Variants in LONP1 observed in about 807,000 individuals in gnomAD.
The protein encoded by LONP1 is lon protease homolog, mitochondrial.
Under a neutral mutation model 98.5 loss-of-function variants are expected in LONP1, and 31 were observed. The ratio of observed to expected loss-of-function variants is 0.31; its 90% confidence interval spans 0.24 to 0.42. The LOEUF is 0.42. Among genes scored for constraint, LONP1 ranks in the 20% least tolerant of loss-of-function variants. The pLI is 1.00. For missense variants in LONP1, 1,336 were observed against 1,350.6 expected, an observed-to-expected ratio of 0.99 and a Z score of 0.17; for synonymous variants, 781 against 594.7, an observed-to-expected ratio of 1.31 and a Z score of -4.56.
Position 5,707,733 on chromosome 19 carries a change from C to G in LONP1, c.1026G>C (p.Glu342Asp). 1 of 1,613,320 alleles carries G rather than the reference C, an allele frequency of 6.2e-7. No homozygotes were observed. Among genetic ancestry groups the G allele is most frequent in the African/African-American group, 1.3e-5 (1 of 75,026 alleles). Residue 342 changes from glutamate (E) to aspartate (D), a missense_variant, in exon 6 of 18, where the codon GAG becomes GAC. Coordinates refer to ENST00000360614, the MANE Select transcript of LONP1 (RefSeq NM_004793.4). ...CCAGGACGTCCTGCAGCTCATGGGA[C>G]TCGGCCCCGGTGAGCGCGGCGCCCA... ...SDMGAALTGA[E>D]SHELQDVLEE...
In LONP1 at chr19:5,716,253, A is replaced by AATATATATATAT. The variant is rs1200539692; in HGVS notation, c.430-1983_430-1982insATATATATATAT. Among the ~76,000 whole-genome samples, 92 of 71,702 alleles carry AATATATATATAT rather than the reference A, an allele frequency of 1.3e-3. 4 individuals are homozygous for AATATATATATAT. Among genetic ancestry groups the AATATATATATAT allele is most frequent in the Middle Eastern group, 0.016 (2 of 126 alleles). The allele number at this position is 71,702 out of a possible 152,430, so 47.0% of individuals were successfully genotyped here. A position where few individuals can be genotyped will look rare whatever the true frequency, so the allele number is the denominator to read the frequency against. On this transcript the variant is annotated intron_variant, in intron 1 of 17. Coordinates refer to ENST00000360614, the MANE Select transcript of LONP1 (RefSeq NM_004793.4). ...ATTCTTTATTATATAATAAAGTTAA[A>AATATATATATAT]ATATACATATATATATATATATATA...
intron 9 of LONP1, among the ~76,000 whole-genome samples, chr19:5,700,427 T>A (rs1030626868): frequency 2.6e-5 from 4 of 152,066 alleles, no homozygotes; most frequent in African/African-American, 9.7e-5. Context: ...TTTTAAAATT[T>A]TTTGTAGAGA....
At chr19:5,698,028 C>G (rs949669454) in intron 10 of LONP1, among the ~76,000 whole-genome samples, 3 of 149,560 alleles carry the variant, frequency 2.0e-5, no homozygotes, top group African/African-American at 7.4e-5. Flanking sequence ...CAGACCCCAG[C>G]CCAACCAAGG....
rs752173948 is a variant in LONP1 at position 5,693,430 on chromosome 19, G to C, written c.2571C>G (p.Gly857=). The change falls in exon 17 of 18, where the codon GGC becomes GGG. Residue 857 remains glycine, a synonymous_variant. Transcript: ENST00000360614. ...GATPKDGPSA[G]CTIVTALLSL... The stretch of plus-strand genomic sequence containing the variant: ...ACAGCAGGGCCGTGACGATGGTGCA[G>C]CCTGCGCTTGGGCCGTCCTTGGGGG... The C allele has an allele frequency of 1.9e-6, 3 of 1,612,096 alleles. No homozygotes were observed. The highest frequency in any genetic ancestry group is 3.3e-5 in the Admixed American group (2 of 59,974).
chr19:5,708,581 A>G (rs2055185874), intron 4 of LONP1, 178 bp from the exon 5 acceptor site: 1 of 394,226 alleles, frequency 2.5e-6, no homozygotes, highest in Non-Finnish European at 5.0e-6. Flanking sequence ...TGGTGGACTC[A>G]CCAGTCCCAG....
chr19:5,707,911 G>A (rs913769964), intron 5 of LONP1, 85 bp from the exon 6 acceptor site: 2 of 1,523,540 alleles, frequency 1.3e-6, no homozygotes, highest in African/African-American at 2.7e-5. Context: ...CGGTCCTCAG[G>A]GTCCCTGTCC....
intron 3 of LONP1, 45 bp from the exon 4 acceptor site, chr19:5,712,047 G>C: frequency 6.5e-7 from 1 of 1,527,038 alleles, no homozygotes; most frequent in South Asian, 1.2e-5. Context: ...CTGAGGCTGG[G>C]AGCTGGACCC....
Position 5,720,049 on chromosome 19 carries a change from C to T in LONP1, c.84G>A (p.Gly28=). 2 of 1,539,798 alleles carry T rather than the reference C, an allele frequency of 1.3e-6. No individual in the cohort carries two copies. The highest frequency in any genetic ancestry group is 8.7e-7 in the Non-Finnish European group (1 of 1,147,144). The change falls in exon 1 of 18, where the codon GGG becomes GGA. Residue 28 remains glycine (G), a synonymous_variant. Coordinates refer to ENST00000360614, the MANE Select transcript of LONP1 (RefSeq NM_004793.4). Reference sequence around the variant, plus strand: ...CTCCTGCTGCAGTGGGAACCCGCCCCCCGGCGGCGGCCAGCATCGGCCGCC... The same window carrying T: ...CTCCTGCTGCAGTGGGAACCCGCCCTCCGGCGGCGGCCAGCATCGGCCGCC... ...VLRRPMLAAA[G]GRVPTAAGAW...
At chr19:5,716,769 G>A (rs1032683906) in intron 1 of LONP1, among the ~76,000 whole-genome samples, 1 of 152,140 alleles carries the variant, frequency 6.6e-6, no homozygotes, top group African/African-American at 2.4e-5. Context: ...ACAATGGCGA[G>A]AGCAGAGCAC....
At chr19:5,707,945 G>A in intron 5 of LONP1, 119 bp from the exon 6 acceptor site, 3 of 1,202,220 alleles carry the variant, frequency 2.5e-6, no homozygotes, top group South Asian at 1.5e-5. Context: ...GCACGGTCTA[G>A]GGGTGCTCGC....
chr19:5,718,289 G>A (rs1248978996), intron 1 of LONP1, among the ~76,000 whole-genome samples: 6 of 151,964 alleles, frequency 3.9e-5, no homozygotes, highest in Non-Finnish European at 8.8e-5. Context: ...ACGAGCGTGG[G>A]CAACATGGTG....
chr19:5,694,163 A>G (rs1466564600), intron 15 of LONP1, among the ~76,000 whole-genome samples: 1 of 152,162 alleles, frequency 6.6e-6, no homozygotes, highest in African/African-American at 2.4e-5. Flanking sequence ...AAGCCTATCA[A>G]AGTGGCACCC....
In LONP1 at chr19:5,691,953, T is replaced by C. The variant is rs2054829662; in HGVS notation, c.*79A>G. ...CTCGCTCGGTGGCTCCACTGCCAGG[T>C]CCGGGCGCGCTCCCCACAGCGCTCA... On this transcript the variant is annotated 3_prime_UTR_variant, in exon 18 of 18. Coordinates refer to ENST00000360614, the MANE Select transcript of LONP1 (RefSeq NM_004793.4). 2 of 886,338 alleles carry C rather than the reference T, an allele frequency of 2.3e-6. No homozygotes were observed. The highest frequency in any genetic ancestry group is 3.2e-6 in the Non-Finnish European group (2 of 616,148). 54.9% of individuals were successfully genotyped at this position (886,338 alleles called of 1,614,324 possible). A position where few individuals can be genotyped will look rare whatever the true frequency, so the allele number is the denominator to read the frequency against.
At chr19:5,699,286 G>T in intron 9 of LONP1, 81 bp from the exon 10 acceptor site, 3 of 1,182,160 alleles carry the variant, frequency 2.5e-6, no homozygotes, top group South Asian at 1.8e-5. Context: ...CCTGCACACT[G>T]CCTTTCAGAC....
At chr19:5,710,340 C>T (rs978153721) in intron 4 of LONP1, among the ~76,000 whole-genome samples, 10 of 151,772 alleles carry the variant, frequency 6.6e-5, no homozygotes, top group African/African-American at 1.7e-4. Flanking sequence ...CCGCCCACCT[C>T]GGCCTCCCAA....
intron 4 of LONP1, among the ~76,000 whole-genome samples, chr19:5,709,804 G>A (rs1470446217): frequency 1.3e-5 from 2 of 149,452 alleles, no homozygotes; most frequent in Admixed American, 6.7e-5. Flanking sequence ...CCCAGCTACT[G>A]GGGAGGCTGA....
rs373514644 is a variant in LONP1, at chr19:5,692,163, T to G, written c.2749A>C (p.Lys917Gln). The change falls in exon 18 of 18, where the codon AAG becomes CAG. Residue 917 changes from lysine (K) to glutamine (Q), a missense_variant. Around this residue, in one of 5 missense-constraint regions of LONP1, gnomAD observed 555 missense variants for 542.6 expected, o/e 1.02. Coordinates refer to ENST00000360614, the MANE Select transcript of LONP1 (RefSeq NM_004793.4). ...VTCIVLPAENKKDFYDLAAFI... is the reference protein window; with the variant it reads ...VTCIVLPAENQKDFYDLAAFI... ...GCTGCCAGGTCGTAGAAGTCCTTCT[T>G]GTTCTCGGCTGGCAGGACGATGCAC... The G allele has an allele frequency of 2.5e-6, 4 of 1,614,002 alleles. No homozygotes were observed. The highest frequency in any genetic ancestry group is 1.3e-5 in the African/African-American group (1 of 74,946).
At chr19:5,694,273 AGAGGCCGTTCAGAGCCACCT>A in intron 15 of LONP1, 94 bp downstream of exon 15, 1 of 1,398,580 alleles carries the variant, frequency 7.2e-7, no homozygotes, top group Non-Finnish European at 9.7e-7. Context: ...ACCCCCCGCC[AGAGGCCGTTCAGAGCCACCT>A]GAGGCCCACT....
At chr19:5,718,064 G>C (rs959158756) in intron 1 of LONP1, among the ~76,000 whole-genome samples, 1 of 152,042 alleles carries the variant, frequency 6.6e-6, no homozygotes, top group African/African-American at 2.4e-5. Flanking sequence ...AATATGTCCA[G>C]GTCACAGATG....
Sources: gnomAD v4.1 joint callset for allele counts (sites outside exome capture counted in the v4.1 genomes callset) on GRCh38, gnomAD v4.1.1 for gene constraint, gnomAD v4.1.1 regional missense constraint, MANE v1.5 for transcripts, NCBI Gene and HGNC (gene_info 2026-07-23, HGNC 2026-07-21) for gene names.